MYO1D: variants seen among roughly 807,000 people sequenced by gnomAD.
The protein encoded by MYO1D is myosin ID, also known as unconventional myosin-Id.
A neutral mutation model predicts 122.0 loss-of-function variants in MYO1D; 83 were observed. That is an observed-to-expected ratio of 0.68 (90% CI 0.57 to 0.82). The LOEUF is 0.82. Ranked by LOEUF, MYO1D falls within the 40% of genes least tolerant of loss-of-function variation. MYO1D has a pLI of 0.00. For missense variants in MYO1D, 1,157 were observed against 1,269.5 expected, an observed-to-expected ratio of 0.91 and a Z score of 1.35; for synonymous variants, 464 against 446.9, an observed-to-expected ratio of 1.04 and a Z score of -0.48.
At chr17:32,822,707 C>T (rs897762359) in intron 1 of MYO1D, among the ~76,000 whole-genome samples, 9 of 150,948 alleles carry the variant, frequency 6.0e-5, no homozygotes, top group African/African-American at 2.2e-4. Context: ...CCTCCTCTTT[C>T]CTCCGCACGG....
chr17:32,617,742 A>T (rs948173731), intron 20 of MYO1D, among the ~76,000 whole-genome samples: 1 of 152,146 alleles, frequency 6.6e-6, no homozygotes, highest in African/African-American at 2.4e-5. Flanking sequence ...CTCGCGGCCC[A>T]CCTATTCTGA....
intron 16 of MYO1D, among the ~76,000 whole-genome samples, chr17:32,667,339 A>G (rs767463578): frequency 6.6e-6 from 1 of 152,214 alleles, no homozygotes; most frequent in Non-Finnish European, 1.5e-5. Context: ...AAGACTTGAT[A>G]TGCTATTTTT....
intron 1 of MYO1D, among the ~76,000 whole-genome samples, chr17:32,856,937 C>T (rs1044091955): frequency 6.6e-6 from 1 of 152,184 alleles, no homozygotes; most frequent in South Asian, 2.1e-4. Flanking sequence ...CCCCTCCCCC[C>T]AAGTCTGTAT....
intron 21 of MYO1D, among the ~76,000 whole-genome samples, chr17:32,534,283 C>T (rs1447492075): frequency 1.3e-5 from 2 of 152,186 alleles, no homozygotes; most frequent in East Asian, 3.8e-4. Context: ...TCTCCTGCCT[C>T]ATCCTCCTGA....
At chr17:32,697,303 A>G (rs1243349510) in intron 16 of MYO1D, among the ~76,000 whole-genome samples, 1 of 152,218 alleles carries the variant, frequency 6.6e-6, no homozygotes, top group African/African-American at 2.4e-5. Context: ...CACATGTCAC[A>G]GTGTTGTAAA....
At chr17:32,671,423 T>C (rs1336008807) in intron 16 of MYO1D, among the ~76,000 whole-genome samples, 1 of 152,230 alleles carries the variant, frequency 6.6e-6, no homozygotes, top group Non-Finnish European at 1.5e-5. Flanking sequence ...AAAGCAAATA[T>C]AGTTAAAATT....
intron 1 of MYO1D, among the ~76,000 whole-genome samples, chr17:32,840,913 A>G (rs1457357523): frequency 1.3e-5 from 2 of 152,202 alleles, no homozygotes; most frequent in African/African-American, 4.8e-5. Context: ...CACATTCAGT[A>G]AAGACCATAC....
At chr17:32,653,287 GTTTT>G (rs888457854) in intron 19 of MYO1D, among the ~76,000 whole-genome samples, 7 of 151,788 alleles carry the variant, frequency 4.6e-5, no homozygotes, top group Non-Finnish European at 7.4e-5. Context: ...CCGCAATCTA[GTTTT>G]TTTGTTTTTT....
At chr17:32,854,197 C>A (rs1357488795) in intron 1 of MYO1D, among the ~76,000 whole-genome samples, 1 of 152,204 alleles carries the variant, frequency 6.6e-6, no homozygotes, top group African/African-American at 2.4e-5. Flanking sequence ...TAATTGCAAG[C>A]ATAGGCAATA....
chr17:32,771,356 C>T (rs2090111166), intron 5 of MYO1D, 136 bp from the exon 6 acceptor site: 1 of 588,148 alleles, frequency 1.7e-6, no homozygotes, highest in Non-Finnish European at 2.8e-6. Context: ...TGAAGTTTTG[C>T]TTGTTTGTTT....
intron 21 of MYO1D, among the ~76,000 whole-genome samples, chr17:32,562,569 A>T (rs2087135746): frequency 6.6e-6 from 1 of 150,966 alleles, no homozygotes; most frequent in African/African-American, 2.4e-5. Context: ...TGCAGCCTTG[A>T]CCTCCTGGGC....
intron 19 of MYO1D, among the ~76,000 whole-genome samples, chr17:32,639,917 C>G (rs2088171123): frequency 6.6e-6 from 1 of 152,050 alleles, no homozygotes; most frequent in African/African-American, 2.4e-5. Flanking sequence ...AGTTAGAGAT[C>G]AATTTGAAAA....
At chr17:32,822,482 G>A (rs1043789117) in intron 1 of MYO1D, among the ~76,000 whole-genome samples, 22 of 147,976 alleles carry the variant, frequency 1.5e-4, no homozygotes, top group Admixed American at 4.1e-4. Context: ...GGGGCGGGGG[G>A]CGCGCGTCCC....
At chr17:32,657,484 C>G (rs1055626360) in intron 17 of MYO1D, among the ~76,000 whole-genome samples, 1 of 152,260 alleles carries the variant, frequency 6.6e-6, no homozygotes. Context: ...GCCTAAAATA[C>G]TTAATATCTG....
At chr17:32,655,356 T>C (rs541322732) in intron 17 of MYO1D, among the ~76,000 whole-genome samples, 2 of 152,266 alleles carry the variant, frequency 1.3e-5, no homozygotes, top group East Asian at 1.9e-4. Context: ...AAGTGACAGA[T>C]AGCAAATATA....
At chr17:32,837,747 C>G (rs920443416) in intron 1 of MYO1D, among the ~76,000 whole-genome samples, 1 of 152,118 alleles carries the variant, frequency 6.6e-6, no homozygotes, top group Non-Finnish European at 1.5e-5. Flanking sequence ...ATGTCCTCAC[C>G]AACTCTGGCT....
intron 1 of MYO1D, among the ~76,000 whole-genome samples, chr17:32,784,546 A>G (rs1256815188): frequency 6.6e-6 from 1 of 152,200 alleles, no homozygotes; most frequent in Non-Finnish European, 1.5e-5. Context: ...TAAAAGGGAC[A>G]TATATTTTCA....
intron 21 of MYO1D, among the ~76,000 whole-genome samples, chr17:32,542,613 T>TAAAAAAAA (rs67238143): frequency 1.6e-5 from 2 of 124,882 alleles, no homozygotes; most frequent in Non-Finnish European, 1.7e-5. Flanking sequence ...GAGGTAACGC[T>TAAAAAAAA]AAAAAAAAAA....
chr17:32,865,172 G>T (rs1365557649), intron 1 of MYO1D, among the ~76,000 whole-genome samples: 1 of 152,026 alleles, frequency 6.6e-6, no homozygotes, highest in Non-Finnish European at 1.5e-5. Context: ...ATGTTGTTGG[G>T]TTTTTTTCAT....
Sources: allele counts gnomAD v4.1 joint callset (sites outside exome capture counted in the v4.1 genomes callset), GRCh38; gene constraint gnomAD v4.1.1; transcripts MANE v1.5; gene names NCBI Gene and HGNC (gene_info 2026-07-23, HGNC 2026-07-21).